The following ARHGEF38 variants were observed in gnomAD, a reference collection of about 807,000 sequenced individuals.
The protein encoded by ARHGEF38 is Rho guanine nucleotide exchange factor 38, also known as Rho guanine nucleotide exchange factor (GEF) 38.
In ARHGEF38, 79 loss-of-function variants were observed where a neutral mutation model predicts 79.9. That is an observed-to-expected ratio of 0.99 (90% CI 0.82 to 1.19). The LOEUF is 1.19. ARHGEF38 is among the 50% of genes most tolerant of loss of function. The pLI, the probability that ARHGEF38 is intolerant of heterozygous loss-of-function variation, is 0.00. For synonymous variants in ARHGEF38, 366 were observed against 328.3 expected (o/e 1.11, Z -1.24); for missense variants, 962 against 907.2 (o/e 1.06, Z -0.78).
At chr4:105,653,511 C>G (rs557032936) in intron 7 of ARHGEF38, among the ~76,000 whole-genome samples, 6 of 151,928 alleles carry the variant, frequency 3.9e-5, no homozygotes, top group African/African-American at 1.5e-4. Flanking sequence ...TTAGTAGATA[C>G]GGGGTTTCAC....
chr4:105,614,551 G>A (rs907354615), intron 3 of ARHGEF38, among the ~76,000 whole-genome samples: 1 of 152,146 alleles, frequency 6.6e-6, no homozygotes, highest in African/African-American at 2.4e-5. Context: ...AATGAGGAAA[G>A]CTGATCAAAG....
At chr4:105,664,420 A>T (rs929370201) in intron 10 of ARHGEF38, among the ~76,000 whole-genome samples, 3 of 152,170 alleles carry the variant, frequency 2.0e-5, no homozygotes, top group Non-Finnish European at 4.4e-5. Context: ...TTGTCATTTC[A>T]TTATTAATAC....
chr4:105,634,600 G>A (rs1729326321), intron 4 of ARHGEF38, among the ~76,000 whole-genome samples: 1 of 152,090 alleles, frequency 6.6e-6, no homozygotes, highest in Admixed American at 6.6e-5. Context: ...AATTAGAATA[G>A]CCTGTCTGTT....
intron 1 of ARHGEF38, among the ~76,000 whole-genome samples, chr4:105,578,344 T>A (rs1459753321): frequency 1.3e-5 from 2 of 152,218 alleles, no homozygotes. Flanking sequence ...TGGCCTATTG[T>A]ATGGTCTGTC....
intron 2 of ARHGEF38, among the ~76,000 whole-genome samples, chr4:105,611,831 T>A (rs1183579463): frequency 1.3e-5 from 2 of 152,064 alleles, no homozygotes; most frequent in African/African-American, 4.8e-5. Flanking sequence ...TAAAACTAGT[T>A]TTTTAAAAGT....
intron 4 of ARHGEF38, chr4:105,631,370 G>A: frequency 2.0e-6 from 2 of 1,007,848 alleles, no homozygotes; most frequent in Non-Finnish European, 2.4e-6. Flanking sequence ...GTAGTTCAAG[G>A]ATTATGTGAG....
intron 2 of ARHGEF38, among the ~76,000 whole-genome samples, chr4:105,600,627 G>A (rs1727781033): frequency 6.6e-6 from 1 of 152,104 alleles, no homozygotes; most frequent in African/African-American, 2.4e-5. Context: ...TTTATCTCCA[G>A]CCTAGACATT....
At chr4:105,603,908 G>T (rs192259337) in intron 2 of ARHGEF38, among the ~76,000 whole-genome samples, 45 of 152,248 alleles carry the variant, frequency 3.0e-4, no homozygotes, top group Admixed American at 7.8e-4. Context: ...ACCATCTCCC[G>T]CTCACTTTGG....
In ARHGEF38 at chr4:105,552,922, A is replaced by G; in HGVS notation, c.157A>G (p.Ser53Gly). ...SGDHSGTLRR[S>G]QSDRTEYNQK... ...GGACCACTCTGGCACCTTGAGGAGG[A>G]GCCAATCTGACAGGACCGAATACAA... The change falls in exon 1 of 14, where the codon AGC becomes GGC. Residue 53 changes from serine to glycine, a missense_variant. Ser to Gly is a moderately conservative substitution (Grantham distance 56). Transcript: ENST00000420470. The G allele has an allele frequency of 6.2e-7, 1 of 1,613,414 alleles. No homozygotes were observed. The highest frequency in any genetic ancestry group is 1.1e-5 in the South Asian group (1 of 90,940).
In ARHGEF38 at chr4:105,589,335, G is replaced by A. The variant is rs776205833; in HGVS notation, c.284G>A (p.Arg95Gln). ...EHHMKRMMAK[R>Q]EKIIKELIQT... ...CATATGAAGAGGATGATGGCAAAGC[G>A]GGAAAAGATCATTAAGGAGCTGATA... Residue 95 changes from arginine to glutamine, a missense_variant, in exon 2 of 14, where the codon CGG becomes CAG. Arg to Gln is a conservative substitution (Grantham distance 43). Coordinates refer to ENST00000420470, the MANE Select transcript of ARHGEF38 (RefSeq NM_001242729.2). 2.0e-5 allele frequency: 32 copies of A among 1,613,950 alleles called. No homozygotes were observed. Among genetic ancestry groups the A allele is most frequent in the Middle Eastern group, 1.6e-4 (1 of 6,084 alleles).
chr4:105,592,753 A>T (rs1029488235), intron 2 of ARHGEF38, among the ~76,000 whole-genome samples: 1 of 152,120 alleles, frequency 6.6e-6, no homozygotes, highest in African/African-American at 2.4e-5. Flanking sequence ...CTCTCAGCTT[A>T]TGCCCTTTTC....
At chr4:105,657,039 T>C (rs945714542) in intron 9 of ARHGEF38, among the ~76,000 whole-genome samples, 6 of 151,920 alleles carry the variant, frequency 3.9e-5, no homozygotes, top group Middle Eastern at 3.4e-3. Flanking sequence ...GATAGATAGA[T>C]AGATAGATAG....
At chr4:105,595,384 T>G (rs140765372) in intron 2 of ARHGEF38, among the ~76,000 whole-genome samples, 22 of 152,324 alleles carry the variant, frequency 1.4e-4, no homozygotes, top group African/African-American at 5.3e-4. Flanking sequence ...TATATATAAT[T>G]TTGTATTGAC....
chr4:105,657,238 G>A (rs968297896), intron 9 of ARHGEF38, among the ~76,000 whole-genome samples: 3 of 152,128 alleles, frequency 2.0e-5, no homozygotes, highest in African/African-American at 7.2e-5. Context: ...CCACCTGAAA[G>A]TGTGATATGT....
intron 1 of ARHGEF38, among the ~76,000 whole-genome samples, chr4:105,574,614 A>G (rs1726397217): frequency 6.6e-6 from 1 of 151,412 alleles, no homozygotes; most frequent in Admixed American, 6.6e-5. Context: ...ATCTTAGAAG[A>G]GAAGCCTTCA....
chr4:105,655,093 C>T (rs1454222980), intron 8 of ARHGEF38, among the ~76,000 whole-genome samples: 1 of 152,078 alleles, frequency 6.6e-6, no homozygotes, highest in Non-Finnish European at 1.5e-5. Flanking sequence ...AAAAGAAAAC[C>T]AAAAACAGTT....
chr4:105,631,403 C>A, intron 4 of ARHGEF38: 12 of 993,598 alleles, frequency 1.2e-5, no homozygotes, highest in Non-Finnish European at 1.4e-5. Flanking sequence ...CCCATGACCA[C>A]TGGAGCACAT....
intron 5 of ARHGEF38, among the ~76,000 whole-genome samples, chr4:105,641,131 AT>A (rs200490414): frequency 9.4e-5 from 14 of 148,782 alleles, no homozygotes; most frequent in Admixed American, 2.0e-4. Context: ...TAATTTTCTC[AT>A]TTTTTTTTCT....
chr4:105,626,024 C>T (rs1728931980), intron 3 of ARHGEF38, among the ~76,000 whole-genome samples: 1 of 152,164 alleles, frequency 6.6e-6, no homozygotes, highest in Non-Finnish European at 1.5e-5. Flanking sequence ...AACACTCTCG[C>T]ATGGCCACAT....
Sources: allele counts gnomAD v4.1 joint callset (sites outside exome capture counted in the v4.1 genomes callset), GRCh38; gene constraint gnomAD v4.1.1; transcripts MANE v1.5; gene names NCBI Gene and HGNC (gene_info 2026-07-23, HGNC 2026-07-21).